The following ASRGL1 variants were observed in gnomAD, a reference collection of about 807,000 sequenced individuals.
The protein encoded by ASRGL1 is isoaspartyl peptidase/L-asparaginase.
ASRGL1 carries 16 observed loss-of-function variants against 22.4 expected under a neutral mutation model. That is an observed-to-expected ratio of 0.71 (90% confidence interval 0.48 to 1.08). The LOEUF (loss-of-function observed/expected upper bound fraction) is 1.08, where lower values mean the gene tolerates loss of function less well. Ranked by LOEUF, ASRGL1 falls within the 50% of genes least tolerant of loss-of-function variation. The pLI, the probability that ASRGL1 is intolerant of heterozygous loss-of-function variation, is 0.00. For missense variants in ASRGL1, 412 were observed against 410.1 expected (o/e 1.00, Z -0.04); for synonymous variants, 165 against 159.3 (o/e 1.04, Z -0.27).
chr11:62,380,983 C>G (rs2134681522), intron 4 of ASRGL1, among the ~76,000 whole-genome samples: 1 of 152,252 alleles, frequency 6.6e-6, no homozygotes, highest in African/African-American at 2.4e-5. Context: ...TAGCGCCCTG[C>G]CCTGTGGTGC....
At chr11:62,339,473 C>T (rs1764080737) in intron 2 of ASRGL1, among the ~76,000 whole-genome samples, 1 of 152,178 alleles carries the variant, frequency 6.6e-6, no homozygotes, top group South Asian at 2.1e-4. Context: ...TTCTTTCACT[C>T]AGTCCACCCT....
At chr11:62,374,494 TG>T (rs1169922838) in intron 4 of ASRGL1, among the ~76,000 whole-genome samples, 1 of 152,160 alleles carries the variant, frequency 6.6e-6, no homozygotes, top group Non-Finnish European at 1.5e-5. Context: ...AACTTAAGTG[TG>T]AGATTTGGGT....
At chr11:62,342,853 A>G (rs1169858852) in intron 2 of ASRGL1, among the ~76,000 whole-genome samples, 4 of 152,086 alleles carry the variant, frequency 2.6e-5, no homozygotes, top group Non-Finnish European at 5.9e-5. Context: ...ACCCGTGTAG[A>G]CGTGGATATC....
At chr11:62,337,856 C>A (rs766914137) in intron 1 of ASRGL1, 34 bp from the exon 2 acceptor site, 76 of 1,095,548 alleles carry the variant, frequency 6.9e-5, no homozygotes, top group Non-Finnish European at 9.4e-5. Flanking sequence ...CGAACCCAGC[C>A]GTTCAGAACA....
At chr11:62,376,742 T>C (rs1946942143) in intron 4 of ASRGL1, among the ~76,000 whole-genome samples, 1 of 152,192 alleles carries the variant, frequency 6.6e-6, no homozygotes, top group Non-Finnish European at 1.5e-5. Context: ...GGAATTCCTG[T>C]TGTATGTGTA....
At chr11:62,379,823 A>G (rs1383638272) in intron 4 of ASRGL1, among the ~76,000 whole-genome samples, 2 of 152,136 alleles carry the variant, frequency 1.3e-5, no homozygotes, top group African/African-American at 4.8e-5. Flanking sequence ...CAAAGGGCTG[A>G]ACTGGGAATG....
chr11:62,367,350 G>A (rs1257567679), intron 4 of ASRGL1, among the ~76,000 whole-genome samples: 12 of 136,042 alleles, frequency 8.8e-5, no homozygotes, highest in African/African-American at 2.6e-4. Flanking sequence ...AAAAAAAAAA[G>A]AGAGAGATTT....
chr11:62,371,247 TCC>T, intron 4 of ASRGL1: 1 of 1,300,934 alleles, frequency 7.7e-7, no homozygotes. Flanking sequence ...AGCGCGAGCC[TCC>T]CGAGCGCTGC....
Position 62,362,707 on chromosome 11 carries a change from A to T in ASRGL1, c.491+5563A>T, listed in dbSNP as rs1194668203. On this transcript the variant is annotated intron_variant, in intron 4 of 6. Coordinates refer to ENST00000415229, the MANE Select transcript of ASRGL1 (RefSeq NM_001083926.2). ...TAAAATATATATTATATATTATATA[A>T]AATATATTATATGTTATATATAAAA... Among the ~76,000 whole-genome samples the T allele has an allele frequency of 1.4e-4, 11 of 77,066 alleles. No individual in the cohort carries two copies. The East Asian group carries it at 1.8e-3, about 13-fold the overall frequency. The allele number at this position is 77,066 out of a possible 152,430, so 50.6% of individuals were successfully genotyped here.
the ASRGL1 span, among the ~76,000 whole-genome samples, chr11:62,398,877 T>C: frequency 6.6e-6 from 1 of 152,204 alleles, no homozygotes; most frequent in East Asian, 1.9e-4. Flanking sequence ...CCCTAGAAAT[T>C]CCAATATATG....
At chr11:62,364,469 A>T (rs1212405004) in intron 4 of ASRGL1, among the ~76,000 whole-genome samples, 2 of 152,180 alleles carry the variant, frequency 1.3e-5, no homozygotes, top group African/African-American at 2.4e-5. Flanking sequence ...GAACTACCTT[A>T]TAACCCAGCA....
At chr11:62,380,014 G>GT (rs1273681189) in intron 4 of ASRGL1, among the ~76,000 whole-genome samples, 1 of 151,964 alleles carries the variant, frequency 6.6e-6, no homozygotes, top group African/African-American at 2.4e-5. Context: ...GTTATATTTT[G>GT]TTTTTTTGAG....
intron 4 of ASRGL1, chr11:62,372,088 T>G (rs1056686814): frequency 3.9e-6 from 3 of 771,362 alleles, no homozygotes; most frequent in Non-Finnish European, 7.1e-6. Context: ...GCTCCTGTGC[T>G]GCACACAGCC....
chr11:62,357,416 A>AT (rs1342638247), intron 4 of ASRGL1, among the ~76,000 whole-genome samples: 1,557 of 100,364 alleles, frequency 0.016, 69 homozygotes, highest in East Asian at 0.11. Flanking sequence ...CACCCGGCTC[A>AT]TTTTTTTTTT....
At chr11:62,356,919 G>GTTCCT (rs1946310980) in intron 3 of ASRGL1, 68 bp from the exon 4 acceptor site, 1 of 1,511,778 alleles carries the variant, frequency 6.6e-7, no homozygotes, top group African/African-American at 1.4e-5. Flanking sequence ...TTTCAACACA[G>GTTCCT]TTGGAACAGT....
At chr11:62,365,919 A>C (rs1946601322) in intron 4 of ASRGL1, among the ~76,000 whole-genome samples, 1 of 151,966 alleles carries the variant, frequency 6.6e-6, no homozygotes, top group African/African-American at 2.4e-5. Flanking sequence ...GTGAGATGAT[A>C]GGTATGTTAT....
chr11:62,381,620 A>G (rs1321760385), intron 4 of ASRGL1, among the ~76,000 whole-genome samples: 1 of 152,054 alleles, frequency 6.6e-6, no homozygotes, highest in Non-Finnish European at 1.5e-5. Flanking sequence ...ATTTTTTCCC[A>G]ATCTTTTAGA....
intron 2 of ASRGL1, among the ~76,000 whole-genome samples, chr11:62,352,595 A>T (rs1315177202): frequency 1.3e-5 from 2 of 152,056 alleles, no homozygotes; most frequent in Non-Finnish European, 2.9e-5. Flanking sequence ...AAAAAAGAAA[A>T]AGCAGCAGCC....
chr11:62,392,210 T>C lies in ASRGL1; in HGVS notation c.853T>C (p.Trp285Arg). The change falls in exon 7 of 7, where the codon TGG (tryptophan) becomes CGG (arginine). Residue 285 changes from tryptophan (W) to arginine (R), a missense_variant. By Grantham distance (101) the Trp-to-Arg change is moderately radical. Coordinates refer to ENST00000415229, the MANE Select transcript of ASRGL1 (RefSeq NM_001083926.2). ...AAAGTGGACCTCCACCTCCATGCCC[T>C]GGGCAGCCGCCAAGGACGGCAAGCT... ...VAKWTSTSMP[W>R]AAAKDGKLHF... 1.2e-6 allele frequency: 2 copies of C among 1,614,192 alleles called. No individual in the cohort carries two copies. The highest frequency in any genetic ancestry group is 1.7e-6 in the Non-Finnish European group (2 of 1,180,034).
Sources: allele counts gnomAD v4.1 joint callset (sites outside exome capture counted in the v4.1 genomes callset), GRCh38; gene constraint gnomAD v4.1.1; transcripts MANE v1.5; gene names NCBI Gene and HGNC (gene_info 2026-07-23, HGNC 2026-07-21).